The following USP39 variants were observed in gnomAD, a reference collection of about 807,000 sequenced individuals.
USP39 encodes the protein ubiquitin carboxyl-terminal hydrolase 39.
USP39 carries 38 observed loss-of-function variants against 66.4 expected under a neutral mutation model. That is an observed-to-expected ratio of 0.57 (90% confidence interval 0.44 to 0.75). USP39 has a LOEUF of 0.75. Ranked by LOEUF, USP39 falls within the 30% of genes least tolerant of loss-of-function variation. The probability of loss-of-function intolerance (pLI) is 0.00; values close to 1 mark genes in which losing one functional copy is unlikely to be tolerated. For missense variants in USP39, 608 were observed against 714.4 expected, an observed-to-expected ratio of 0.85 and a Z score of 1.70; for synonymous variants, 303 against 274.6, an observed-to-expected ratio of 1.10 and a Z score of -1.02.
intron 10 of USP39, among the ~76,000 whole-genome samples, chr2:85,641,907 TAAAAA>T (rs759697072): frequency 1.8e-3 from 162 of 91,308 alleles, no homozygotes; most frequent in African/African-American, 5.4e-3. Flanking sequence ...GTGACTGTGC[TAAAAA>T]AAAAAAAAAA....
intron 7 of USP39, among the ~76,000 whole-genome samples, chr2:85,636,432 T>TA (rs371029357): frequency 9.7e-4 from 147 of 152,330 alleles, no homozygotes; most frequent in African/African-American, 3.3e-3. Context: ...ATGTTATAGA[T>TA]AAACTACATG....
upstream of USP39, chr2:85,616,172 T>A (rs955880228): frequency 2.9e-6 from 4 of 1,401,764 alleles, no homozygotes; most frequent in Non-Finnish European, 2.8e-6. Flanking sequence ...GCGCCTGCGC[T>A]GGACGACTCG....
At position 85,630,957 on chromosome 2, in the gene USP39, G is replaced by A. The variant is rs1360950927; in HGVS notation, c.949+11G>A. ...AGATCACCAAACAAGGTAAGAACAAGTCATTCATGTTTCAGGACAACAAAA... is the reference window on the plus strand; with the variant it reads ...AGATCACCAAACAAGGTAAGAACAAATCATTCATGTTTCAGGACAACAAAA... On this transcript the variant is annotated intron_variant, in intron 6 of 12. Coordinates refer to ENST00000323701, the MANE Select transcript of USP39 (RefSeq NM_006590.4). 1.2e-6 allele frequency: 2 copies of A among 1,609,240 alleles called. No homozygotes were observed. Among genetic ancestry groups the A allele is most frequent in the Admixed American group, 1.7e-5 (1 of 59,432 alleles).
chr2:85,616,395 T>C lies in USP39; in HGVS notation c.200T>C (p.Val67Ala), dbSNP rs1673950249. 6.2e-7 allele frequency: 1 copy of C among 1,604,118 alleles called. No homozygotes were observed. Among genetic ancestry groups the C allele is most frequent in the Non-Finnish European group, 8.5e-7 (1 of 1,175,420 alleles). ...GCGCGCGAGGCCCCGGCTTCTGTTG[T>C]CCCGTTTGTGCGGGTGAAGCGGGAG... ...ASAREAPASV[V>A]PFVRVKRERE... The change falls in exon 1 of 13, where the codon GTC becomes GCC. Residue 67 changes from valine to alanine, a missense_variant. Val to Ala is a moderately conservative substitution (Grantham distance 64, BLOSUM62 0). Coordinates refer to ENST00000323701, the MANE Select transcript of USP39 (RefSeq NM_006590.4).
rs923476516 is a variant in USP39, at chr2:85,635,911, TAGA to T, written c.950-141_950-139del. On this transcript the variant is annotated intron_variant, in intron 6 of 12. Coordinates refer to ENST00000323701, the MANE Select transcript of USP39 (RefSeq NM_006590.4). ...GGAGTGCCAGCATTTAATGATAAGA[TAGA>T]GGAGGATGCACGGCAGTTGGGATGG... 22 of 755,896 alleles carry T rather than the reference TAGA, an allele frequency of 2.9e-5. No individual in the cohort carries two copies. The African/African-American group carries it at 3.4e-4, about 12-fold the overall frequency. The allele number at this position is 755,896 out of a possible 1,614,324, so 46.8% of individuals were successfully genotyped here.
chr2:85,637,678 G>GT (rs1162368697), intron 8 of USP39, among the ~76,000 whole-genome samples: 2 of 152,150 alleles, frequency 1.3e-5, no homozygotes, highest in Non-Finnish European at 1.5e-5. Flanking sequence ...GTGCTGCTGT[G>GT]TTTTTTCAGA....
In USP39 at chr2:85,619,272, C is replaced by T. The variant is rs954033159; in HGVS notation, c.321C>T (p.Tyr107=). ...ACCGGAGGAGCCGCCACTGCCCGTA[C>T]CTGGACACCATTAACAGGTCAGTAG... is the stretch of plus-strand genomic sequence containing the variant. ...SEDRRSRHCP[Y]LDTINRSVLD... is the part of the protein sequence containing the mutation. The change falls in exon 2 of 13, where the codon TAC becomes TAT. Residue 107 remains tyrosine (Y), a synonymous_variant. Coordinates refer to ENST00000323701, the MANE Select transcript of USP39 (RefSeq NM_006590.4). 7.4e-6 allele frequency: 12 copies of T among 1,613,642 alleles called. No homozygotes were observed. Among genetic ancestry groups the T allele is most frequent in the Non-Finnish European group, 1.0e-5 (12 of 1,179,934 alleles).
intron 10 of USP39, among the ~76,000 whole-genome samples, chr2:85,643,595 C>T (rs1010835058): frequency 6.6e-6 from 1 of 150,856 alleles, no homozygotes; most frequent in Non-Finnish European, 1.5e-5. Context: ...CCTTTAGTAG[C>T]AGGAAGGCAG....
At position 85,648,952 on chromosome 2, in the gene USP39, A is replaced by G; in HGVS notation, c.*144A>G. 1 of 892,350 alleles carries G rather than the reference A, an allele frequency of 1.1e-6. No individual in the cohort carries two copies. The highest frequency in any genetic ancestry group is 2.3e-5 in the Admixed American group (1 of 43,852). The allele number at this position is 892,350 out of a possible 1,614,324, so 55.3% of individuals were successfully genotyped here. A position where few individuals can be genotyped will look rare whatever the true frequency, so the allele number is the denominator to read the frequency against. On this transcript the variant is annotated 3_prime_UTR_variant, in exon 13 of 13. Transcript: ENST00000323701. ...GGGTTCTGGCTACACCAGAGCACCA[A>G]GAGCCCACTTGCCTGGGATGGCCCC...
chr2:85,625,136 G>T (rs1258302855), intron 4 of USP39, among the ~76,000 whole-genome samples: 1 of 152,148 alleles, frequency 6.6e-6, no homozygotes, highest in Non-Finnish European at 1.5e-5. Flanking sequence ...GACTCATGGA[G>T]ATCCTCATTC....
In USP39 at chr2:85,648,977, C is replaced by T. The variant is rs1408197553; in HGVS notation, c.*169C>T. On this transcript the variant is annotated 3_prime_UTR_variant, in exon 13 of 13. Coordinates refer to ENST00000323701, the MANE Select transcript of USP39 (RefSeq NM_006590.4). ...AGAGCCCACTTGCCTGGGATGGCCC[C>T]ACACTGTCACTCAGCTGTTCTTTGA... 1 of 715,324 alleles carries T rather than the reference C, an allele frequency of 1.4e-6. No homozygotes were observed. The highest frequency in any genetic ancestry group is 2.5e-6 in the Non-Finnish European group (1 of 406,012). The allele number at this position is 715,324 out of a possible 1,614,324, so 44.3% of individuals were successfully genotyped here. A position where few individuals can be genotyped will look rare whatever the true frequency, so the allele number is the denominator to read the frequency against.
intron 11 of USP39, among the ~76,000 whole-genome samples, chr2:85,646,369 A>G (rs1573454473): frequency 1.3e-5 from 2 of 152,382 alleles, no homozygotes; most frequent in Middle Eastern, 3.4e-3. Flanking sequence ...GTTAGGCAGT[A>G]CGCCAGTTAC....
chr2:85,620,425 G>A (rs1674372698), intron 2 of USP39, among the ~76,000 whole-genome samples: 1 of 151,652 alleles, frequency 6.6e-6, no homozygotes, highest in South Asian at 2.1e-4. Flanking sequence ...GCTGCAGTGA[G>A]CTGAGATTGC....
rs374764801 is a variant in USP39, at chr2:85,628,571, C to G, written c.724-2150C>G. ...TATAAAAATAAATGGATTAACAAAC[C>G]CTGTGTGATGATGTTTCCACTAAAA... On this transcript the variant is annotated intron_variant, in intron 5 of 12. Transcript: ENST00000323701. Among the ~76,000 whole-genome samples the G allele has an allele frequency of 3.1e-3, 467 of 152,106 alleles. 5 individuals carry two copies. Among genetic ancestry groups the G allele is most frequent in the African/African-American group, 0.011 (447 of 41,492 alleles).
At chr2:85,605,363 T>C (rs1342907919) in intron 1 of USP39, among the ~76,000 whole-genome samples, 1 of 152,204 alleles carries the variant, frequency 6.6e-6, no homozygotes, top group Non-Finnish European at 1.5e-5. Context: ...CATCTACACA[T>C]TGGAAATGAG....
intron 10 of USP39, 102 bp from the exon 11 acceptor site, chr2:85,644,846 T>A: frequency 6.6e-7 from 1 of 1,512,392 alleles, no homozygotes; most frequent in South Asian, 1.3e-5. Context: ...GAAAGGGTCC[T>A]AAAATAGGGC....
chr2:85,616,047 C>CG, upstream of USP39: 1 of 1,292,236 alleles, frequency 7.7e-7, no homozygotes. Flanking sequence ...GGAACAGCAC[C>CG]GCCCACAAAT....
chr2:85,635,684 C>G (rs1418692576), intron 6 of USP39, among the ~76,000 whole-genome samples: 1 of 152,114 alleles, frequency 6.6e-6, no homozygotes, highest in East Asian at 1.9e-4. Flanking sequence ...AGTCTGGGTG[C>G]TAGTCACTTT....
intron 1 of USP39, among the ~76,000 whole-genome samples, chr2:85,618,474 A>G (rs577329160): frequency 6.7e-6 from 1 of 148,228 alleles, no homozygotes; most frequent in African/African-American, 2.5e-5. Flanking sequence ...AGGCAGGAGA[A>G]TTGCTTGAAT....
Sources: gnomAD v4.1 joint callset for allele counts (sites outside exome capture counted in the v4.1 genomes callset) on GRCh38, gnomAD v4.1.1 for gene constraint, MANE v1.5 for transcripts, NCBI Gene and HGNC (gene_info 2026-07-23, HGNC 2026-07-21) for gene names.